Variants in PAM observed in about 807,000 individuals in gnomAD.
PAM encodes peptidylglycine alpha-amidating monooxygenase, also known as peptidyl-glycine alpha-amidating monooxygenase.
PAM carries 72 observed loss-of-function variants against 122.1 expected under a neutral mutation model. That is an observed-to-expected ratio of 0.59 (90% CI 0.49 to 0.72). PAM has a LOEUF of 0.72. Ranked by LOEUF, PAM falls within the 30% of genes least tolerant of loss-of-function variation. The pLI is 0.00. For missense variants in PAM, 1,106 were observed against 1,183.7 expected, an observed-to-expected ratio of 0.93 and a Z score of 0.96; for synonymous variants, 389 against 404.4, an observed-to-expected ratio of 0.96 and a Z score of 0.46.
At position 103,003,167 on chromosome 5, in the gene PAM, T is replaced by A. The variant is rs765955995; in HGVS notation, c.1730+18T>A. The A allele has an allele frequency of 9.4e-7, 1 of 1,062,530 alleles. No individual in the cohort carries two copies. The highest frequency in any genetic ancestry group is 1.5e-6 in the Non-Finnish European group (1 of 676,112). 65.8% of individuals were successfully genotyped at this position (1,062,530 alleles called of 1,614,324 possible). ...AAAAATCTGTGAGTTAAATGACTTA[T>A]GTTGTTAAGACTTGTACTACATATA... On this transcript the variant is annotated intron_variant, in intron 17 of 25. Coordinates refer to ENST00000438793, the MANE Select transcript of PAM (RefSeq NM_001177306.2).
intron 1 of PAM, among the ~76,000 whole-genome samples, chr5:102,756,900 C>T (rs1395302682): frequency 1.3e-5 from 2 of 152,126 alleles, no homozygotes; most frequent in Non-Finnish European, 2.9e-5. Context: ...AGAGTATGTT[C>T]CTTGTCCTGA....
At chr5:102,782,557 C>T (rs1311273511) in intron 1 of PAM, among the ~76,000 whole-genome samples, 2 of 152,130 alleles carry the variant, frequency 1.3e-5, no homozygotes, top group African/African-American at 2.4e-5. Flanking sequence ...ACATGCAAAT[C>T]TTTCAAACAT....
chr5:102,946,856 T>C lies in PAM; in HGVS notation c.546T>C (p.Ser182=). The C allele has an allele frequency of 6.2e-7, 1 of 1,600,086 alleles. No individual in the cohort carries two copies. The highest frequency in any genetic ancestry group is 8.6e-7 in the Non-Finnish European group (1 of 1,168,028). ...SAFRDNNKDC[S]GVSLHLTRLP... ...TTTCAGATAATAACAAGGACTGTTC[T>C]GGTGTGTCCTTACACCTCACACGTC... The change falls in exon 8 of 26, where the codon TCT becomes TCC. Residue 182 remains serine (S), a synonymous_variant. Coordinates refer to ENST00000438793, the MANE Select transcript of PAM (RefSeq NM_001177306.2).
chr5:102,910,334 T>C (rs6862616), intron 4 of PAM, among the ~76,000 whole-genome samples: 53,096 of 151,614 alleles, frequency 0.35, 9,635 homozygotes, highest in African/African-American at 0.44. Context: ...CATCCACACA[T>C]ATGGTTTCAG....
intron 12 of PAM, among the ~76,000 whole-genome samples, chr5:102,958,407 A>G (rs540971819): frequency 6.6e-6 from 1 of 152,258 alleles, no homozygotes; most frequent in South Asian, 2.1e-4. Flanking sequence ...AAAGCAGGAA[A>G]GAGAAGGATA....
intron 14 of PAM, among the ~76,000 whole-genome samples, chr5:102,962,385 T>C (rs912529504): frequency 2.6e-5 from 4 of 151,846 alleles, no homozygotes; most frequent in Non-Finnish European, 4.4e-5. Flanking sequence ...AGCCTAAATA[T>C]AGTGGTATTC....
chr5:102,849,555 CAA>C (rs538988180), intron 1 of PAM, among the ~76,000 whole-genome samples: 2,815 of 73,452 alleles, frequency 0.038, 32 homozygotes, highest in African/African-American at 0.074. Context: ...AAGACTGTCT[CAA>C]AAAAAAAAAA....
At position 102,877,201 on chromosome 5, in the gene PAM, T is replaced by C. The variant is rs538154072; in HGVS notation, c.210+9808T>C. Among the ~76,000 whole-genome samples the C allele has an allele frequency of 4.6e-5, 7 of 152,362 alleles. 1 individual carries two copies. The highest frequency in any genetic ancestry group is 3.9e-4 in the East Asian group (2 of 5,188). The stretch of plus-strand genomic sequence containing the variant: ...AGGATTGCAGTTAAGTAAATTAATA[T>C]GTGTAAAACACAGTAAATGCTCAGT... On this transcript the variant is annotated intron_variant, in intron 3 of 25. Transcript: ENST00000438793.
At chr5:102,953,244 A>G (rs1052083567) in intron 12 of PAM, among the ~76,000 whole-genome samples, 1 of 152,206 alleles carries the variant, frequency 6.6e-6, no homozygotes, top group Non-Finnish European at 1.5e-5. Context: ...TGATTTTCCC[A>G]TAACAGGGAT....
chr5:102,855,871 C>T (rs1051444866), intron 1 of PAM, among the ~76,000 whole-genome samples: 1 of 152,016 alleles, frequency 6.6e-6, no homozygotes, highest in Non-Finnish European at 1.5e-5. Context: ...CCATTCTATA[C>T]CAACTTCCTC....
intron 1 of PAM, among the ~76,000 whole-genome samples, chr5:102,767,601 T>C (rs1754484272): frequency 6.6e-6 from 1 of 152,208 alleles, no homozygotes; most frequent in Admixed American, 6.5e-5. Flanking sequence ...ACTTGACCTT[T>C]ATCTAGAAAA....
rs540042127 is a variant in PAM at position 102,819,053 on chromosome 5, A to C, written c.-373-46770A>C. ...GGCGAAAGAGAATAACTGAGCTGGG[A>C]GGATACAAAACAGAAAGACAGACGA... On this transcript the variant is annotated intron_variant, in intron 1 of 25. Transcript: ENST00000438793. Among the ~76,000 whole-genome samples the C allele has an allele frequency of 1.1e-3, 170 of 152,304 alleles. 1 individual carries two copies. The highest frequency in any genetic ancestry group is 3.9e-3 in the African/African-American group (161 of 41,562).
At chr5:102,895,995 C>G (rs1260867770) in intron 3 of PAM, 1 of 151,654 alleles carries the variant, frequency 6.6e-6, no homozygotes, top group African/African-American at 2.4e-5. Context: ...ACTCCCTGTT[C>G]AGAATAGCAC....
chr5:102,915,029 T>C (rs1802673824), intron 5 of PAM, among the ~76,000 whole-genome samples: 1 of 152,118 alleles, frequency 6.6e-6, no homozygotes, highest in African/African-American at 2.4e-5. Flanking sequence ...TGGTTTGAGA[T>C]TGTCCCTCTC....
At chr5:102,977,005 G>T (rs1332683089) in intron 15 of PAM, among the ~76,000 whole-genome samples, 1 of 152,134 alleles carries the variant, frequency 6.6e-6, no homozygotes, top group African/African-American at 2.4e-5. Flanking sequence ...GTCCCCAGTT[G>T]TTGACACCAG....
intron 1 of PAM, among the ~76,000 whole-genome samples, chr5:102,848,020 T>C (rs1391738324): frequency 6.6e-6 from 1 of 152,228 alleles, no homozygotes; most frequent in Non-Finnish European, 1.5e-5. Context: ...AAACCTGTTC[T>C]TCATGCTGGG....
In PAM at chr5:102,866,192, G is replaced by A; in HGVS notation, c.-4G>A. On this transcript the variant is annotated 5_prime_UTR_variant, in exon 2 of 26. Transcript: ENST00000438793. The stretch of plus-strand genomic sequence containing the variant: ...TCTCCCGGCGGGGTCGTATCGGCGT[G>A]GACATGGCTGGCCGCGTCCCTAGCC... 3 of 1,609,390 alleles carry A rather than the reference G, an allele frequency of 1.9e-6. No individual in the cohort carries two copies. Among genetic ancestry groups the A allele is most frequent in the Admixed American group, 1.7e-5 (1 of 60,018 alleles).
chr5:102,927,234 T>C (rs1282108872), intron 7 of PAM, among the ~76,000 whole-genome samples: 1 of 152,184 alleles, frequency 6.6e-6, no homozygotes, highest in Non-Finnish European at 1.5e-5. Context: ...GTGATCGCTA[T>C]GCACTTTATT....
chr5:103,017,714 A>G (rs1332516690), intron 22 of PAM, among the ~76,000 whole-genome samples: 1 of 152,128 alleles, frequency 6.6e-6, no homozygotes, highest in Non-Finnish European at 1.5e-5. Context: ...CCAGAAGGAG[A>G]GAGGGGGCTT....
Sources: gnomAD v4.1 joint callset for allele counts (sites outside exome capture counted in the v4.1 genomes callset) on GRCh38, gnomAD v4.1.1 for gene constraint, MANE v1.5 for transcripts, NCBI Gene and HGNC (gene_info 2026-07-23, HGNC 2026-07-21) for gene names.